The following EFNA5 variants were observed in gnomAD, a reference collection of about 807,000 sequenced individuals.
EFNA5 encodes the protein ephrin-A5.
In EFNA5, 5 loss-of-function variants were observed where a neutral mutation model predicts 22.9. That is an observed-to-expected ratio of 0.22 (90% CI 0.11 to 0.46). The LOEUF (loss-of-function observed/expected upper bound fraction) is 0.46, where lower values mean the gene tolerates loss of function less well. EFNA5 is among the 20% of genes least tolerant of loss of function. EFNA5 has a pLI of 0.99. For missense variants in EFNA5, 237 were observed against 293.3 expected (o/e 0.81, Z 1.40); for synonymous variants, 113 against 112.2 (o/e 1.01, Z -0.04).
intron 1 of EFNA5, among the ~76,000 whole-genome samples, chr5:107,617,949 G>A (rs1431856210): frequency 6.6e-6 from 1 of 151,988 alleles, no homozygotes; most frequent in Non-Finnish European, 1.5e-5. Context: ...ACTGCTAGAA[G>A]CCCAGGCACA....
intron 1 of EFNA5, among the ~76,000 whole-genome samples, chr5:107,509,923 C>T (rs986733407): frequency 2.0e-5 from 3 of 152,146 alleles, no homozygotes; most frequent in African/African-American, 7.2e-5. Context: ...TAACAATATG[C>T]TCCATGATCA....
intron 1 of EFNA5, among the ~76,000 whole-genome samples, chr5:107,571,926 A>G (rs1400960525): frequency 6.6e-6 from 1 of 152,152 alleles, no homozygotes; most frequent in Admixed American, 6.5e-5. Flanking sequence ...AGAGGGAAAG[A>G]AAACCACTCT....
chr5:107,512,388 CAA>C (rs747635207), intron 1 of EFNA5, among the ~76,000 whole-genome samples: 31 of 130,920 alleles, frequency 2.4e-4, no homozygotes, highest in African/African-American at 1.0e-3. Context: ...ACAACAACAA[CAA>C]AAAACACAAA....
At chr5:107,536,779 C>G (rs1422283468) in intron 1 of EFNA5, among the ~76,000 whole-genome samples, 1 of 152,204 alleles carries the variant, frequency 6.6e-6, no homozygotes, top group African/African-American at 2.4e-5. Flanking sequence ...GAACACACGG[C>G]ACCCTCAGGA....
chr5:107,583,648 C>T (rs1749115158), intron 1 of EFNA5, among the ~76,000 whole-genome samples: 1 of 151,980 alleles, frequency 6.6e-6, no homozygotes, highest in South Asian at 2.1e-4. Flanking sequence ...AGAGTGGACA[C>T]AAGGTAGAAA....
At chr5:107,407,173 C>CT (rs537478836) in intron 2 of EFNA5, among the ~76,000 whole-genome samples, 6 of 152,186 alleles carry the variant, frequency 3.9e-5, no homozygotes, top group Non-Finnish European at 5.9e-5. Context: ...TGATGGCAAA[C>CT]TATCAACCAA....
rs1343497252 is a variant in EFNA5 at position 107,379,969 on chromosome 5, CAT to C, written c.*1284_*1285del. On this transcript the variant is annotated 3_prime_UTR_variant, in exon 5 of 5. Transcript: ENST00000333274. ...CTTGTTTATCTCCCACAGATAAACA[CAT>C]GTTCCCCCTACGCTTTAGGCTGTGT... 1.3e-5 allele frequency: 2 copies of C among 152,116 alleles called. No individual in the cohort carries two copies. Among genetic ancestry groups the C allele is most frequent in the Non-Finnish European group, 2.9e-5 (2 of 68,020 alleles). 9.4% of individuals were successfully genotyped at this position (152,116 alleles called of 1,614,324 possible).
intron 1 of EFNA5, among the ~76,000 whole-genome samples, chr5:107,485,489 T>C (rs201044521): frequency 6.6e-6 from 1 of 152,050 alleles, no homozygotes. Context: ...CTCTCTCTCT[T>C]TTTTTCTCTG....
chr5:107,415,167 A>G (rs1321221929), intron 2 of EFNA5, among the ~76,000 whole-genome samples: 2 of 152,066 alleles, frequency 1.3e-5, no homozygotes, highest in African/African-American at 4.8e-5. Context: ...GTGATAAAGT[A>G]TGGATGAGAT....
At chr5:107,652,148 C>T (rs908276087) in intron 1 of EFNA5, among the ~76,000 whole-genome samples, 1 of 152,144 alleles carries the variant, frequency 6.6e-6, no homozygotes, top group Non-Finnish European at 1.5e-5. Flanking sequence ...CACAACTTGA[C>T]CAACCTACCT....
At chr5:107,584,911 T>C (rs938698342) in intron 1 of EFNA5, among the ~76,000 whole-genome samples, 1 of 152,272 alleles carries the variant, frequency 6.6e-6, no homozygotes, top group East Asian at 1.9e-4. Flanking sequence ...GCGGTGATGG[T>C]GGACAAGGTA....
intron 1 of EFNA5, among the ~76,000 whole-genome samples, chr5:107,455,062 C>T (rs1381150386): frequency 6.6e-6 from 1 of 152,174 alleles, no homozygotes; most frequent in Admixed American, 6.5e-5. Context: ...ATCTCAAACC[C>T]TCAACTGGTG....
intron 1 of EFNA5, 32 bp downstream of exon 1, chr5:107,670,457 T>G (rs560167787): frequency 2.6e-6 from 4 of 1,540,532 alleles, no homozygotes; most frequent in Admixed American, 2.0e-5. Flanking sequence ...GAGGCCCGGG[T>G]AGCCCTGGCT....
chr5:107,406,181 G>GAATGTATACAAATACATGTATTTGTATAT, intron 2 of EFNA5, among the ~76,000 whole-genome samples: 1 of 145,082 alleles, frequency 6.9e-6, no homozygotes, highest in African/African-American at 2.5e-5. Flanking sequence ...TATATACATA[G>GAATGTATACAAATACATGTATTTGTATAT]AATGTATACA....
At chr5:107,386,085 T>C (rs561115105) in intron 4 of EFNA5, among the ~76,000 whole-genome samples, 2 of 136,500 alleles carry the variant, frequency 1.5e-5, no homozygotes, top group East Asian at 4.1e-4. Flanking sequence ...GGTTACAATA[T>C]TGGAGGAAAA....
rs111837085 is a variant in EFNA5, at chr5:107,494,224, C to T, written c.126-66715G>A. Among the ~76,000 whole-genome samples the T allele has an allele frequency of 4.6e-3, 702 of 152,278 alleles. 2 individuals are homozygous for T. The highest frequency in any genetic ancestry group is 0.016 in the African/African-American group (675 of 41,570). ...GCTGGCCAAGACCGGAGCCCGCTCC[C>T]TCAGCTTGCAGGGAGGTGTGGAGGC... On this transcript the variant is annotated intron_variant, in intron 1 of 4. Transcript: ENST00000333274.
At chr5:107,503,664 T>C (rs28826) in intron 1 of EFNA5, among the ~76,000 whole-genome samples, 61,239 of 152,030 alleles carry the variant, frequency 0.4, 12,839 homozygotes, top group East Asian at 0.61. Flanking sequence ...AGGCAAAATA[T>C]GTAAAAGCAC....
Position 107,665,191 on chromosome 5 carries a change from C to A in EFNA5, c.125+5298G>T, listed in dbSNP as rs546154744. 5.3e-5 allele frequency among the ~76,000 whole-genome samples: 8 copies of A among 152,316 alleles called. No individual in the cohort carries two copies. In the South Asian group the frequency reaches 1.4e-3, roughly 28 times the overall value. ...TCCTGAAGGACTAATTGTATTCATTCATTTTCTTGGCCCAGCGTGAAGCTG... is the reference window on the plus strand; with the variant it reads ...TCCTGAAGGACTAATTGTATTCATTAATTTTCTTGGCCCAGCGTGAAGCTG... On this transcript the variant is annotated intron_variant, in intron 1 of 4. Transcript: ENST00000333274.
rs566976287 is a variant in EFNA5, at chr5:107,572,217, C to G, written c.125+98272G>C. Reference sequence around the variant, plus strand: ...CCCCTGCTGGCCGCGGTGCTGAACTCCGCCTCTTGGTCCTGCGCCAGACAG... The same window carrying G: ...CCCCTGCTGGCCGCGGTGCTGAACTGCGCCTCTTGGTCCTGCGCCAGACAG... On this transcript the variant is annotated intron_variant, in intron 1 of 4. Coordinates refer to ENST00000333274, the MANE Select transcript of EFNA5 (RefSeq NM_001962.3). 4.4e-4 allele frequency among the ~76,000 whole-genome samples: 67 copies of G among 151,932 alleles called. 1 individual carries two copies. Among genetic ancestry groups the G allele is most frequent in the African/African-American group, 1.6e-3 (65 of 41,422 alleles).
Sources: allele counts gnomAD v4.1 joint callset (sites outside exome capture counted in the v4.1 genomes callset), GRCh38; gene constraint gnomAD v4.1.1; transcripts MANE v1.5; gene names NCBI Gene and HGNC (gene_info 2026-07-23, HGNC 2026-07-21).